WDR70: variants seen among roughly 807,000 people sequenced by gnomAD.
WDR70 encodes WD repeat domain 70, also known as WD repeat-containing protein 70.
A neutral mutation model predicts 88.6 loss-of-function variants in WDR70; 53 were observed. The observed-to-expected ratio is 0.60, with a 90% CI of 0.48 to 0.75. The LOEUF is 0.75. WDR70 is among the 30% of genes least tolerant of loss of function. The probability of loss-of-function intolerance (pLI) is 0.00; values close to 1 mark genes in which losing one functional copy is unlikely to be tolerated. For missense variants in WDR70, 610 were observed against 823.2 expected (o/e 0.74, Z 3.17); for synonymous variants, 280 against 270.0 (o/e 1.04, Z -0.36).
intron 10 of WDR70, among the ~76,000 whole-genome samples, chr5:37,654,449 T>A (rs1745494542): frequency 6.6e-6 from 1 of 152,188 alleles, no homozygotes. Flanking sequence ...TCTGTAGATG[T>A]CTATTAGGTC....
intron 8 of WDR70, among the ~76,000 whole-genome samples, chr5:37,495,166 TG>T (rs1176839061): frequency 6.6e-6 from 1 of 152,216 alleles, no homozygotes; most frequent in African/African-American, 2.4e-5. Context: ...CACAAAATTT[TG>T]TTGACCATTT....
intron 5 of WDR70, among the ~76,000 whole-genome samples, chr5:37,427,160 C>G (rs1405028210): frequency 6.6e-6 from 1 of 151,936 alleles, no homozygotes; most frequent in Non-Finnish European, 1.5e-5. Flanking sequence ...GAGGCTGAGG[C>G]GGGCGGATCA....
At chr5:37,565,967 A>G (rs1273775279) in intron 9 of WDR70, among the ~76,000 whole-genome samples, 1 of 152,142 alleles carries the variant, frequency 6.6e-6, no homozygotes, top group Non-Finnish European at 1.5e-5. Flanking sequence ...CTTTATTGAG[A>G]TACAATTCAC....
intron 9 of WDR70, among the ~76,000 whole-genome samples, chr5:37,541,268 AAAGTT>A (rs1243328617): frequency 1.3e-5 from 2 of 152,348 alleles, no homozygotes; most frequent in African/African-American, 4.8e-5. Flanking sequence ...GTAAACCAGT[AAAGTT>A]AAGGACTTAA....
chr5:37,739,275 C>T (rs928648436), intron 17 of WDR70, among the ~76,000 whole-genome samples: 3 of 152,206 alleles, frequency 2.0e-5, no homozygotes, highest in African/African-American at 4.8e-5. Context: ...GCTAGATCCC[C>T]ATTAACCTGT....
chr5:37,447,585 CA>C (rs1228206200), intron 7 of WDR70, among the ~76,000 whole-genome samples: 1 of 152,154 alleles, frequency 6.6e-6, no homozygotes, highest in Non-Finnish European at 1.5e-5. Flanking sequence ...TGCACATATA[CA>C]CCATGGAATA....
intron 10 of WDR70, among the ~76,000 whole-genome samples, chr5:37,641,832 A>T (rs1160328098): frequency 1.3e-5 from 2 of 152,198 alleles, no homozygotes; most frequent in Non-Finnish European, 2.9e-5. Flanking sequence ...CTGGTGACTG[A>T]AACACTTACT....
At chr5:37,405,246 G>C (rs1229188480) in intron 5 of WDR70, among the ~76,000 whole-genome samples, 1 of 152,090 alleles carries the variant, frequency 6.6e-6, no homozygotes, top group African/African-American at 2.4e-5. Context: ...TGAATAGACA[G>C]TATGATTTCA....
At chr5:37,392,809 T>C (rs2111888898) in intron 4 of WDR70, among the ~76,000 whole-genome samples, 1 of 151,596 alleles carries the variant, frequency 6.6e-6, no homozygotes, top group Middle Eastern at 3.5e-3. Context: ...CATGCCCTGC[T>C]AATTTTTTTT....
At chr5:37,726,823 A>G (rs964914986) in intron 16 of WDR70, 60 bp from the exon 17 acceptor site, 2 of 1,511,270 alleles carry the variant, frequency 1.3e-6, no homozygotes, top group Middle Eastern at 2.4e-4. Context: ...GTACACAGAT[A>G]TACCTATGTA....
intron 9 of WDR70, among the ~76,000 whole-genome samples, chr5:37,568,428 T>G (rs901976114): frequency 6.6e-6 from 1 of 152,210 alleles, no homozygotes; most frequent in Non-Finnish European, 1.5e-5. Context: ...GATTGTCTTA[T>G]TAACTTTCTC....
At chr5:37,659,412 AT>A (rs974030791) in intron 10 of WDR70, among the ~76,000 whole-genome samples, 2 of 151,290 alleles carry the variant, frequency 1.3e-5, no homozygotes, top group South Asian at 2.1e-4. Flanking sequence ...CTGTTTTTCT[AT>A]TTTTTTTATT....
intron 10 of WDR70, among the ~76,000 whole-genome samples, chr5:37,621,571 G>C (rs1334782475): frequency 6.6e-6 from 1 of 151,998 alleles, no homozygotes; most frequent in African/African-American, 2.4e-5. Flanking sequence ...TTTTTGTTGG[G>C]GTTGTTTGTT....
chr5:37,736,152 A>G (rs755940451), intron 17 of WDR70, among the ~76,000 whole-genome samples: 2 of 152,126 alleles, frequency 1.3e-5, no homozygotes, highest in Non-Finnish European at 2.9e-5. Context: ...CCAGAAAGCT[A>G]TTAGCTTACA....
chr5:37,390,340 A>ATT (rs11392764), intron 3 of WDR70, among the ~76,000 whole-genome samples: 6,457 of 138,142 alleles, frequency 0.047, 540 homozygotes, highest in African/African-American at 0.16. Flanking sequence ...TATAATATAA[A>ATT]TTTTTTTTTT....
intron 10 of WDR70, among the ~76,000 whole-genome samples, chr5:37,650,852 T>C (rs1745389372): frequency 6.6e-6 from 1 of 152,160 alleles, no homozygotes; most frequent in South Asian, 2.1e-4. Flanking sequence ...AAAGAAACTG[T>C]TCTTTATAAC....
chr5:37,541,850 A>G (rs1490804291), intron 9 of WDR70, among the ~76,000 whole-genome samples: 1 of 152,232 alleles, frequency 6.6e-6, no homozygotes, highest in Non-Finnish European at 1.5e-5. Flanking sequence ...ATCAAATTGA[A>G]TATAACTTTT....
chr5:37,415,731 G>A (rs1426121488), intron 5 of WDR70, among the ~76,000 whole-genome samples: 3 of 150,096 alleles, frequency 2.0e-5, no homozygotes, highest in African/African-American at 4.9e-5. Context: ...GCTGCCAGGT[G>A]GAGGGGCTCC....
At chr5:37,515,872 A>G (rs994958438) in intron 8 of WDR70, among the ~76,000 whole-genome samples, 3 of 152,168 alleles carry the variant, frequency 2.0e-5, no homozygotes, top group African/African-American at 7.2e-5. Context: ...TATGTTTGCT[A>G]TGTACTCTAG....
Sources: allele counts gnomAD v4.1 joint callset (sites outside exome capture counted in the v4.1 genomes callset), GRCh38; gene constraint gnomAD v4.1.1; transcripts MANE v1.5; gene names NCBI Gene and HGNC (gene_info 2026-07-23, HGNC 2026-07-21).